ZBTB11: variants seen among roughly 807,000 people sequenced by gnomAD.
ZBTB11 encodes the protein zinc finger and BTB domain containing 11.
A neutral mutation model predicts 113.1 loss-of-function variants in ZBTB11; 68 were observed. The ratio of observed to expected loss-of-function variants is 0.60; its 90% confidence interval spans 0.49 to 0.74. The LOEUF (loss-of-function observed/expected upper bound fraction) is 0.74, where lower values mean the gene tolerates loss of function less well. Among genes scored for constraint, ZBTB11 ranks in the 30% least tolerant of loss-of-function variants. The pLI is 0.00. For missense variants in ZBTB11, 1,104 were observed against 1,279.4 expected, an observed-to-expected ratio of 0.86 and a Z score of 2.09; for synonymous variants, 518 against 452.6, an observed-to-expected ratio of 1.14 and a Z score of -1.83.
chr3:101,661,953 C>A (rs1936894772), intron 5 of ZBTB11: 1 of 151,714 alleles, frequency 6.6e-6, no homozygotes, highest in African/African-American at 2.4e-5. Context: ...TTATATTTTC[C>A]AACTTTTCTG....
At position 101,676,984 on chromosome 3, in the gene ZBTB11, G is replaced by C. The variant is rs972000226; in HGVS notation, c.-70C>G. On this transcript the variant is annotated 5_prime_UTR_variant, in exon 1 of 11. Transcript: ENST00000312938. ...GAAAACGGCCCGCTACCTACGGGCG[G>C]CTGCAGGAGGAGCGGCGGCACCGTA... The C allele has an allele frequency of 3.4e-6, 5 of 1,467,600 alleles. No individual in the cohort carries two copies. The highest frequency in any genetic ancestry group is 4.5e-6 in the Non-Finnish European group (5 of 1,104,990). 90.9% of individuals were successfully genotyped at this position (1,467,600 alleles called of 1,614,324 possible). A position where few individuals can be genotyped will look rare whatever the true frequency, so the allele number is the denominator to read the frequency against.
At chr3:101,669,000 G>C (rs1231808060) in intron 3 of ZBTB11, among the ~76,000 whole-genome samples, 1 of 152,062 alleles carries the variant, frequency 6.6e-6, no homozygotes, top group Non-Finnish European at 1.5e-5. Flanking sequence ...GGGTACGGCA[G>C]ACTAAGATAC....
chr3:101,675,139 C>A (rs1011096650), intron 1 of ZBTB11, among the ~76,000 whole-genome samples: 3 of 152,232 alleles, frequency 2.0e-5, no homozygotes, highest in Non-Finnish European at 2.9e-5. Flanking sequence ...CTACATCCTG[C>A]ATATACAAGC....
intron 6 of ZBTB11, 152 bp downstream of exon 6, chr3:101,659,631 T>C: frequency 2.2e-6 from 2 of 919,700 alleles, no homozygotes; most frequent in South Asian, 3.5e-5. Context: ...CCATAGGGAA[T>C]CACCTTTGAT....
Position 101,650,570 on chromosome 3 carries a change from T to G in ZBTB11, c.*596A>C, listed in dbSNP as rs1163999709. ...AAACTTGATTACAACATGTAACTCA[T>G]AAGTGCTTTAAAATAGAATAAAGCA... On this transcript the variant is annotated 3_prime_UTR_variant, in exon 11 of 11. Transcript: ENST00000312938. 6.6e-6 allele frequency: 1 copy of G among 152,618 alleles called. No homozygotes were observed. Among genetic ancestry groups the G allele is most frequent in the Non-Finnish European group, 1.5e-5 (1 of 68,024 alleles). The allele number at this position is 152,618 out of a possible 1,614,324, so 9.5% of individuals were successfully genotyped here. A position where few individuals can be genotyped will look rare whatever the true frequency, so the allele number is the denominator to read the frequency against.
At chr3:101,666,427 T>C (rs943162054) in intron 3 of ZBTB11, among the ~76,000 whole-genome samples, 1 of 152,200 alleles carries the variant, frequency 6.6e-6, no homozygotes, top group Non-Finnish European at 1.5e-5. Flanking sequence ...CGCAGCTGTG[T>C]TCCAATACAA....
intron 1 of ZBTB11, 82 bp downstream of exon 1, chr3:101,676,523 T>C: frequency 7.4e-7 from 1 of 1,357,030 alleles, no homozygotes; most frequent in Non-Finnish European, 9.6e-7. Flanking sequence ...CTCCGACTCG[T>C]GGGTACGCAT....
In ZBTB11 at chr3:101,649,486, A is replaced by G. The variant is rs986055042; in HGVS notation, c.*1680T>C. On this transcript the variant is annotated 3_prime_UTR_variant, in exon 11 of 11. Transcript: ENST00000312938. ...AACATCTTTTATTTACATGTTTATG[A>G]CATACATTAATGGTCATACACAATT... The G allele has an allele frequency of 1.3e-5, 2 of 152,240 alleles. No individual in the cohort carries two copies. The highest frequency in any genetic ancestry group is 1.3e-4 in the Admixed American group (2 of 15,286). The allele number at this position is 152,240 out of a possible 1,614,324, so 9.4% of individuals were successfully genotyped here.
chr3:101,672,778 T>G (rs1363377347), intron 1 of ZBTB11, among the ~76,000 whole-genome samples: 1 of 152,228 alleles, frequency 6.6e-6, no homozygotes, highest in African/African-American at 2.4e-5. Context: ...TCCACCCCAG[T>G]GACATTAGGC....
rs1936701461 is a variant in ZBTB11 at position 101,651,486 on chromosome 3, C to T, written c.2842G>A (p.Glu948Lys). 4 of 1,614,076 alleles carry T rather than the reference C, an allele frequency of 2.5e-6. No homozygotes were observed. The highest frequency in any genetic ancestry group is 4.5e-5 in the East Asian group (2 of 44,872). Residue 948 changes from glutamate to lysine, a missense_variant, in exon 11 of 11, where the codon GAA (glutamate) becomes AAA (lysine). This residue lies in a region of ZBTB11 where 148 missense variants were observed against 259.3 expected (regional missense o/e 0.57). Transcript: ENST00000312938. ...TTATGAAACTGAAGGGTGTCTTTTT[C>T]CAGCATAATTTTGCAAGGCACATAG... ...RDYVPCKIML[E>K]KDTLQFHNQG...
In ZBTB11 at chr3:101,656,235, G is replaced by C. The variant is rs1336384471; in HGVS notation, c.2060C>G (p.Thr687Ser). 1.0e-5 allele frequency: 16 copies of C among 1,576,466 alleles called. No homozygotes were observed. The highest frequency in any genetic ancestry group is 1.4e-5 in the Non-Finnish European group (16 of 1,163,056). The change falls in exon 7 of 11, where the codon ACT (threonine) becomes AGT (serine). Residue 687 changes from threonine to serine, a missense_variant. Transcript: ENST00000312938. ...TTTTAGACCATGCTTATAGATAAAA[G>C]TCTTTCCACAGACCTAAGATAGAAC... ...KPHACQVCGK[T>S]FIYKHGLKLH...
intron 4 of ZBTB11, 92 bp from the exon 5 acceptor site, chr3:101,664,806 T>A: frequency 6.7e-7 from 1 of 1,481,728 alleles, no homozygotes; most frequent in Non-Finnish European, 9.1e-7. Flanking sequence ...AGATTTCAAA[T>A]TCACATTATC....
chr3:101,674,548 T>C (rs1440674558), intron 1 of ZBTB11, among the ~76,000 whole-genome samples: 4 of 151,250 alleles, frequency 2.6e-5, no homozygotes. Flanking sequence ...CCGTCGCTAC[T>C]AAAAATAGAA....
At chr3:101,662,506 C>T (rs1936908520) in intron 5 of ZBTB11, among the ~76,000 whole-genome samples, 1 of 152,096 alleles carries the variant, frequency 6.6e-6, no homozygotes, top group African/African-American at 2.4e-5. Flanking sequence ...TGCCTGTAAT[C>T]CCAGCTACTC....
chr3:101,651,450 G>T lies in ZBTB11; in HGVS notation c.2878C>A (p.Gln960Lys). Residue 960 changes from glutamine (Q) to lysine (K), a missense_variant, in exon 11 of 11, where the codon CAA (glutamine) becomes AAA (lysine). Around this residue, in one of 5 missense-constraint regions of ZBTB11, gnomAD observed 148 missense variants for 259.3 expected, o/e 0.57. Coordinates refer to ENST00000312938, the MANE Select transcript of ZBTB11 (RefSeq NM_014415.4). ...DTLQFHNQGT[Q>K]VAHAVSILTA... ...AAGATGCTAACAGCATGTGCCACTT[G>T]AGTTCCTTGGTTATGAAACTGAAGG... 6.2e-7 allele frequency: 1 copy of T among 1,614,126 alleles called. No individual in the cohort carries two copies. The highest frequency in any genetic ancestry group is 8.5e-7 in the Non-Finnish European group (1 of 1,180,024).
intron 10 of ZBTB11, 106 bp downstream of exon 10, chr3:101,652,390 T>G (rs1936719392): frequency 8.8e-7 from 1 of 1,139,332 alleles, no homozygotes; most frequent in Non-Finnish European, 1.2e-6. Flanking sequence ...AATAAAGATA[T>G]GAAATTAACC....
At chr3:101,662,768 CTTT>C (rs201131277) in intron 5 of ZBTB11, among the ~76,000 whole-genome samples, 1 of 147,148 alleles carries the variant, frequency 6.8e-6, no homozygotes, top group South Asian at 2.1e-4. Flanking sequence ...TCAAAATTGT[CTTT>C]TTTTTTTGGA....
chr3:101,660,773 T>C, intron 5 of ZBTB11, among the ~76,000 whole-genome samples: 1 of 152,240 alleles, frequency 6.6e-6, no homozygotes, highest in Non-Finnish European at 1.5e-5. Flanking sequence ...ATTTTTAGGA[T>C]GTAAATATTA....
rs145548035 is a variant in ZBTB11 at position 101,665,308 on chromosome 3, T to C, written c.1279A>G (p.Asn427Asp). ...KNNQTELETS[N>D]NRENNTVSNI... ...GAAACTGTGTTATTTTCTCTGTTGT[T>C]TGAAGTTTCTAGTTCTGTCTGGTTG... The change falls in exon 4 of 11, where the codon AAC becomes GAC. Residue 427 changes from asparagine to aspartate, a missense_variant. Physicochemically the swap from Asn to Asp is conservative, Grantham distance 23 (BLOSUM62 1). This residue lies in a region of ZBTB11 where 535 missense variants were observed against 518.6 expected (regional missense o/e 1.03). Coordinates refer to ENST00000312938, the MANE Select transcript of ZBTB11 (RefSeq NM_014415.4). 1.7e-4 allele frequency: 281 copies of C among 1,614,132 alleles called. 2 individuals carry two copies. Among genetic ancestry groups the C allele is most frequent in the Admixed American group, 5.0e-5 (3 of 60,004 alleles).
Sources: allele counts gnomAD v4.1 joint callset (sites outside exome capture counted in the v4.1 genomes callset), GRCh38; gene constraint gnomAD v4.1.1; regional missense constraint gnomAD v4.1.1; transcripts MANE v1.5; gene names NCBI Gene and HGNC (gene_info 2026-07-23, HGNC 2026-07-21).